Variants in STX12 observed in about 807,000 individuals in gnomAD.
The protein encoded by STX12 is syntaxin-12.
STX12 carries 17 observed loss-of-function variants against 42.2 expected under a neutral mutation model. The ratio of observed to expected loss-of-function variants is 0.40; its 90% confidence interval spans 0.28 to 0.60. STX12 has a LOEUF of 0.60. Ranked by LOEUF, STX12 falls within the 20% of genes least tolerant of loss-of-function variation. The probability of loss-of-function intolerance (pLI) is 0.39; values close to 1 mark genes in which losing one functional copy is unlikely to be tolerated. For synonymous variants in STX12, 108 were observed against 116.7 expected (o/e 0.93, Z 0.48); for missense variants, 297 against 330.9 (o/e 0.90, Z 0.79).
At chr1:27,797,333 A>G (rs2088793431) in intron 3 of STX12, among the ~76,000 whole-genome samples, 1 of 152,182 alleles carries the variant, frequency 6.6e-6, no homozygotes, top group Admixed American at 6.5e-5. Context: ...CTGGGATTGC[A>G]GGTGTGAGCT....
intron 7 of STX12, among the ~76,000 whole-genome samples, chr1:27,819,272 A>C (rs1192887193): frequency 2.1e-5 from 3 of 143,066 alleles, no homozygotes; most frequent in Non-Finnish European, 4.6e-5. Flanking sequence ...CCGTCTCTTA[A>C]AAAAAAAAAA....
At chr1:27,783,474 T>C (rs565613602) in intron 1 of STX12, among the ~76,000 whole-genome samples, 61 of 152,246 alleles carry the variant, frequency 4.0e-4, no homozygotes, top group Non-Finnish European at 6.0e-4. Flanking sequence ...GCTGAGACTA[T>C]AGGCATGTGC....
At position 27,804,476 on chromosome 1, in the gene STX12, A is replaced by T. The variant is rs185162035; in HGVS notation, c.426+2661A>T. Among the ~76,000 whole-genome samples, 352 of 151,252 alleles carry T rather than the reference A, an allele frequency of 2.3e-3. 1 individual carries two copies. The highest frequency in any genetic ancestry group is 8.2e-3 in the African/African-American group (338 of 41,146). On this transcript the variant is annotated intron_variant, in intron 4 of 8. Coordinates refer to ENST00000373943, the MANE Select transcript of STX12 (RefSeq NM_177424.3). Reference sequence around the variant, plus strand: ...TTCTTGAATCTTAAAAAAAAAAAAAATTACTAAGGACCTGTATTAGTCTGT... The same window carrying T: ...TTCTTGAATCTTAAAAAAAAAAAAATTTACTAAGGACCTGTATTAGTCTGT...
In STX12 at chr1:27,804,806, A is replaced by G. The variant is rs1446184853; in HGVS notation, c.426+2991A>G. ...AGCCTGGGCAACAGAGTGAGACTCC[A>G]TCTCAAAAAAAAAAAAAGGAAGAAA... On this transcript the variant is annotated intron_variant, in intron 4 of 8. Transcript: ENST00000373943. Among the ~76,000 whole-genome samples the G allele has an allele frequency of 3.3e-5, 5 of 151,486 alleles. No homozygotes were observed. In the South Asian group the frequency reaches 8.3e-4, roughly 25 times the overall value.
At chr1:27,820,575 A>G (rs2088977267) in intron 8 of STX12, among the ~76,000 whole-genome samples, 1 of 152,212 alleles carries the variant, frequency 6.6e-6, no homozygotes, top group African/African-American at 2.4e-5. Flanking sequence ...TTAGACATGA[A>G]GTCCTTGCCC....
chr1:27,796,512 T>A (rs12082091), intron 3 of STX12, among the ~76,000 whole-genome samples: 3 of 151,924 alleles, frequency 2.0e-5, no homozygotes, highest in African/African-American at 7.3e-5. Flanking sequence ...CCACCTTAGC[T>A]TCTCGAGTAG....
chr1:27,781,048 A>T (rs1557797914), intron 1 of STX12, among the ~76,000 whole-genome samples: 1 of 151,816 alleles, frequency 6.6e-6, no homozygotes, highest in Non-Finnish European at 1.5e-5. Context: ...CATTATTATT[A>T]TTTTTATTAT....
intron 1 of STX12, among the ~76,000 whole-genome samples, chr1:27,782,522 G>A (rs1269840947): frequency 6.6e-6 from 1 of 152,022 alleles, no homozygotes; most frequent in African/African-American, 2.4e-5. Flanking sequence ...GAACTTTACT[G>A]TTATGGTACA....
chr1:27,781,013 A>G (rs1335226918), intron 1 of STX12, among the ~76,000 whole-genome samples: 1 of 152,050 alleles, frequency 6.6e-6, no homozygotes, highest in African/African-American at 2.4e-5. Flanking sequence ...TGCCTGGCAC[A>G]TAGCAGGCGT....
intron 3 of STX12, among the ~76,000 whole-genome samples, chr1:27,796,269 G>A (rs912133547): frequency 2.6e-4 from 39 of 151,940 alleles, no homozygotes; most frequent in African/African-American, 8.5e-4. Flanking sequence ...CCCATCACCC[G>A]TCTTTTCATT....
Position 27,817,916 on chromosome 1 carries a change from T to A in STX12, c.642T>A (p.Asp214Glu), listed in dbSNP as rs1233675987. The A allele has an allele frequency of 6.2e-7, 1 of 1,613,756 alleles. No individual in the cohort carries two copies. The highest frequency in any genetic ancestry group is 1.7e-5 in the Admixed American group (1 of 60,018). Residue 214 changes from aspartate (D) to glutamate (E), a missense_variant, in exon 7 of 9, where the codon GAT becomes GAA. Asp to Glu is a conservative substitution (Grantham distance 45, BLOSUM62 2). Coordinates refer to ENST00000373943, the MANE Select transcript of STX12 (RefSeq NM_177424.3). The stretch of plus-strand genomic sequence containing the variant: ...CCATGATGATCCATGACCAGGGTGA[T>A]CTGATTGGTATGTATTATTGATACC... ...DLAMMIHDQG[D>E]LIDSIEANVE...
intron 6 of STX12, among the ~76,000 whole-genome samples, chr1:27,814,812 CT>C (rs2088929202): frequency 6.8e-6 from 1 of 146,874 alleles, no homozygotes; most frequent in South Asian, 2.1e-4. Context: ...GCACTCCAGC[CT>C]GGCAACAGAG....
chr1:27,792,800 A>G (rs1462943400), intron 2 of STX12, among the ~76,000 whole-genome samples: 2 of 152,222 alleles, frequency 1.3e-5, no homozygotes, highest in Non-Finnish European at 2.9e-5. Flanking sequence ...AAGCCTTTGT[A>G]GAAATGGCTG....
In STX12 at chr1:27,784,168, G is replaced by A. The variant is rs888208810; in HGVS notation, c.119-5394G>A. The stretch of plus-strand genomic sequence containing the variant: ...GCACTCCAGCCTGGGCAACAAGAGC[G>A]AAACTCTGTCTCAAAAAAAAAAAAG... On this transcript the variant is annotated intron_variant, in intron 1 of 8. Transcript: ENST00000373943. Among the ~76,000 whole-genome samples, 48 of 151,066 alleles carry A rather than the reference G, an allele frequency of 3.2e-4. 1 individual carries two copies. The highest frequency in any genetic ancestry group is 5.3e-4 in the Non-Finnish European group (36 of 67,788).
Position 27,789,647 on chromosome 1 carries a change from A to T in STX12, c.188+16A>T. The T allele has an allele frequency of 6.2e-7, 1 of 1,609,798 alleles. No homozygotes were observed. The highest frequency in any genetic ancestry group is 1.1e-5 in the South Asian group (1 of 90,674). On this transcript the variant is annotated intron_variant, in intron 2 of 8. Transcript: ENST00000373943. ...AGGAAAATCTGTGAGTAACTTCCTG[A>T]CAAGGTTGGGTTTTGTGAGGGCCAT...
chr1:27,777,715 T>C (rs1041356027), intron 1 of STX12, among the ~76,000 whole-genome samples: 1 of 151,652 alleles, frequency 6.6e-6, no homozygotes, highest in Non-Finnish European at 1.5e-5. Flanking sequence ...TGAAACCCTG[T>C]CTTTACTAAA....
chr1:27,787,411 CA>C (rs1248456431), intron 1 of STX12, among the ~76,000 whole-genome samples: 3 of 152,166 alleles, frequency 2.0e-5, no homozygotes, highest in Non-Finnish European at 4.4e-5. Flanking sequence ...GCAATCCCAG[CA>C]CTTTGGGAGG....
chr1:27,788,949 T>C (rs946285334), intron 1 of STX12, among the ~76,000 whole-genome samples: 3 of 152,022 alleles, frequency 2.0e-5, no homozygotes, highest in Non-Finnish European at 2.9e-5. Context: ...GAGGCGGAGC[T>C]TGCGTGAGCT....
chr1:27,819,169 T>C (rs1274025846), intron 7 of STX12, among the ~76,000 whole-genome samples: 2 of 150,290 alleles, frequency 1.3e-5, no homozygotes, highest in African/African-American at 4.9e-5. Context: ...CTCAGGAGGC[T>C]GAGGTGGGAA....
Sources: gnomAD v4.1 joint callset for allele counts (sites outside exome capture counted in the v4.1 genomes callset) on GRCh38, gnomAD v4.1.1 for gene constraint, MANE v1.5 for transcripts, NCBI Gene and HGNC (gene_info 2026-07-23, HGNC 2026-07-21) for gene names.